Variants in C10orf90 observed in about 807,000 individuals in gnomAD.
The protein encoded by C10orf90 is (E2-independent) E3 ubiquitin-conjugating enzyme FATS.
A neutral mutation model predicts 62.5 loss-of-function variants in C10orf90; 56 were observed. That is an observed-to-expected ratio of 0.90 (90% CI 0.72 to 1.12). The LOEUF (loss-of-function observed/expected upper bound fraction) is 1.12. Ranked by LOEUF, C10orf90 falls within the 50% of genes most tolerant of loss-of-function variation. The pLI, the probability that C10orf90 is intolerant of heterozygous loss-of-function variation, is 0.00. For missense variants in C10orf90, 970 were observed against 880.4 expected, an observed-to-expected ratio of 1.10 and a Z score of -1.29; for synonymous variants, 386 against 340.4, an observed-to-expected ratio of 1.13 and a Z score of -1.47.
intron 7 of C10orf90, among the ~76,000 whole-genome samples, chr10:126,443,660 C>A (rs1188746716): frequency 1.3e-5 from 2 of 151,866 alleles, no homozygotes; most frequent in Admixed American, 1.3e-4. Flanking sequence ...AAAAGGAAAC[C>A]CTCCCTAATT....
At chr10:126,585,588 T>G (rs1844854345) in intron 2 of C10orf90, among the ~76,000 whole-genome samples, 2 of 148,212 alleles carry the variant, frequency 1.3e-5, no homozygotes, top group African/African-American at 5.0e-5. Flanking sequence ...GAAGGAAAAA[T>G]AAAGGAAAGA....
intron 2 of C10orf90, among the ~76,000 whole-genome samples, chr10:126,637,974 A>G (rs1203675088): frequency 6.6e-6 from 1 of 152,156 alleles, no homozygotes; most frequent in African/African-American, 2.4e-5. Context: ...CTGGGCCCCA[A>G]AGATGGTGAG....
chr10:126,611,128 A>G (rs998642306), intron 2 of C10orf90, among the ~76,000 whole-genome samples: 3 of 152,042 alleles, frequency 2.0e-5, no homozygotes, highest in Non-Finnish European at 4.4e-5. Context: ...CCTGTACCCA[A>G]TGGCAGCCAC....
At chr10:126,557,219 C>T (rs1227521177) in intron 2 of C10orf90, among the ~76,000 whole-genome samples, 2 of 151,970 alleles carry the variant, frequency 1.3e-5, no homozygotes, top group Non-Finnish European at 2.9e-5. Flanking sequence ...CGGTGGCTGA[C>T]ACCTGTAAGC....
intron 7 of C10orf90, among the ~76,000 whole-genome samples, chr10:126,438,340 A>T (rs1254541486): frequency 6.6e-6 from 1 of 152,246 alleles, no homozygotes; most frequent in African/African-American, 2.4e-5. Context: ...TTGGGGTTTC[A>T]TTGGCAAAGC....
chr10:126,613,822 T>C (rs982944170), intron 2 of C10orf90, among the ~76,000 whole-genome samples: 1 of 152,204 alleles, frequency 6.6e-6, no homozygotes, highest in Non-Finnish European at 1.5e-5. Context: ...GGCTTATGCA[T>C]GAGCCAAGGC....
At chr10:126,593,398 G>C (rs1034638548) in intron 2 of C10orf90, among the ~76,000 whole-genome samples, 3 of 152,164 alleles carry the variant, frequency 2.0e-5, no homozygotes, top group Non-Finnish European at 2.9e-5. Context: ...GACATGGATG[G>C]AGCTGGAAGC....
intron 2 of C10orf90, among the ~76,000 whole-genome samples, chr10:126,632,317 A>G (rs1394650762): frequency 1.3e-5 from 2 of 152,036 alleles, no homozygotes; most frequent in African/African-American, 4.8e-5. Context: ...GCAGGCATCC[A>G]GCACTGCCTC....
chr10:126,497,961 G>A (rs947441451), intron 4 of C10orf90, among the ~76,000 whole-genome samples: 1 of 152,010 alleles, frequency 6.6e-6, no homozygotes, highest in African/African-American at 2.4e-5. Context: ...ACACTCTCTG[G>A]GTTACTTGTT....
chr10:126,570,653 C>A (rs370977904), intron 2 of C10orf90, among the ~76,000 whole-genome samples: 148 of 152,292 alleles, frequency 9.7e-4, no homozygotes, highest in South Asian at 6.0e-3. Flanking sequence ...GCAACTATTT[C>A]TTAGCCTCAC....
At chr10:126,534,021 A>G (rs997738029) in intron 2 of C10orf90, among the ~76,000 whole-genome samples, 5 of 152,164 alleles carry the variant, frequency 3.3e-5, no homozygotes, top group East Asian at 3.9e-4. Context: ...TGCTGTACAC[A>G]TAGAGAAGAG....
At chr10:126,474,520 T>C (rs12571845) in intron 4 of C10orf90, among the ~76,000 whole-genome samples, 1 of 152,148 alleles carries the variant, frequency 6.6e-6, no homozygotes, top group Non-Finnish European at 1.5e-5. Flanking sequence ...TAAGTACAAA[T>C]GTATCTGCTA....
At chr10:126,583,954 TA>T (rs1418191582) in intron 2 of C10orf90, among the ~76,000 whole-genome samples, 1 of 151,960 alleles carries the variant, frequency 6.6e-6, no homozygotes, top group Non-Finnish European at 1.5e-5. Flanking sequence ...CATCTCTACT[TA>T]AAAAAATACA....
At chr10:126,444,902 C>T (rs192732332) in intron 7 of C10orf90, among the ~76,000 whole-genome samples, 1 of 152,098 alleles carries the variant, frequency 6.6e-6, no homozygotes, top group East Asian at 1.9e-4. Flanking sequence ...ACAAAGCAAA[C>T]AAAAACATAA....
At chr10:126,669,313 C>T (rs1846698109) in intron 1 of C10orf90, among the ~76,000 whole-genome samples, 1 of 152,206 alleles carries the variant, frequency 6.6e-6, no homozygotes, top group South Asian at 2.1e-4. Flanking sequence ...CAGCCTTGAA[C>T]CTTGAAAAAC....
chr10:126,625,943 G>T (rs139187923), intron 2 of C10orf90, among the ~76,000 whole-genome samples: 1 of 151,762 alleles, frequency 6.6e-6, no homozygotes, highest in Non-Finnish European at 1.5e-5. Flanking sequence ...GGTGAAACCC[G>T]ATCTCTACCA....
intron 2 of C10orf90, among the ~76,000 whole-genome samples, chr10:126,525,332 C>A (rs530094149): frequency 6.6e-6 from 1 of 152,288 alleles, no homozygotes; most frequent in South Asian, 2.1e-4. Context: ...CGTTAACAGA[C>A]AGATTCATTA....
At chr10:126,476,457 A>G (rs1301067448) in intron 4 of C10orf90, among the ~76,000 whole-genome samples, 1 of 152,206 alleles carries the variant, frequency 6.6e-6, no homozygotes, top group Non-Finnish European at 1.5e-5. Flanking sequence ...AAATCAAGCC[A>G]CCAAAGGAGC....
At chr10:126,515,517 C>G (rs879757087) in intron 2 of C10orf90, among the ~76,000 whole-genome samples, 1 of 152,218 alleles carries the variant, frequency 6.6e-6, no homozygotes, top group African/African-American at 2.4e-5. Flanking sequence ...CAGTCACACA[C>G]TATACACGTT....
Sources: gnomAD v4.1 joint callset for allele counts (sites outside exome capture counted in the v4.1 genomes callset) on GRCh38, gnomAD v4.1.1 for gene constraint, MANE v1.5 for transcripts, NCBI Gene and HGNC (gene_info 2026-07-23, HGNC 2026-07-21) for gene names.